SLC2A13: variants seen among roughly 807,000 people sequenced by gnomAD.
The protein encoded by SLC2A13 is solute carrier family 2 member 13, also known as proton myo-inositol cotransporter.
In SLC2A13, 32 loss-of-function variants were observed where a neutral mutation model predicts 64.4. The ratio of observed to expected loss-of-function variants is 0.50; its 90% CI spans 0.37 to 0.67. SLC2A13 has a LOEUF of 0.67. Among genes scored for constraint, SLC2A13 ranks in the 30% least tolerant of loss-of-function variants. SLC2A13 has a pLI of 0.00. For missense variants in SLC2A13, 743 were observed against 829.2 expected (o/e 0.90, Z 1.28); for synonymous variants, 338 against 327.1 (o/e 1.03, Z -0.36).
intron 1 of SLC2A13, among the ~76,000 whole-genome samples, chr12:40,075,869 T>C (rs1438934951): frequency 6.6e-6 from 1 of 152,174 alleles, no homozygotes; most frequent in Non-Finnish European, 1.5e-5. Context: ...ACTTTTTTCA[T>C]CTCTCTCTGC....
chr12:39,794,038 G>T (rs1941489701), intron 7 of SLC2A13, among the ~76,000 whole-genome samples: 1 of 139,740 alleles, frequency 7.2e-6, no homozygotes, highest in Admixed American at 7.7e-5. Context: ...CTCTGATACT[G>T]AGAAAGTAAC....
chr12:39,755,292 T>C lies in SLC2A13; in HGVS notation c.*4734A>G, dbSNP rs4768177. 1 of 152,100 alleles carries C rather than the reference T, an allele frequency of 6.6e-6. No homozygotes were observed. Among genetic ancestry groups the C allele is most frequent in the South Asian group, 2.1e-4 (1 of 4,830 alleles). 9.4% of individuals were successfully genotyped at this position (152,100 alleles called of 1,614,324 possible). A position where few individuals can be genotyped will look rare whatever the true frequency, so the allele number is the denominator to read the frequency against. On this transcript the variant is annotated 3_prime_UTR_variant, in exon 10 of 10. Coordinates refer to ENST00000280871, the MANE Select transcript of SLC2A13 (RefSeq NM_052885.4). ...TATCGCTTGTGGGAATAAATACTTA[T>C]ATTGAATTTGCCAAGACATCTGAAG...
intron 1 of SLC2A13, among the ~76,000 whole-genome samples, chr12:40,078,358 G>C (rs551444414): frequency 6.6e-6 from 1 of 152,016 alleles, no homozygotes; most frequent in South Asian, 2.1e-4. Context: ...TTTTTTACAC[G>C]AAGGAATGTT....
intron 4 of SLC2A13, among the ~76,000 whole-genome samples, chr12:39,905,847 T>C (rs1592271460): frequency 6.6e-6 from 1 of 151,480 alleles, no homozygotes; most frequent in African/African-American, 2.4e-5. Context: ...TACACTTCTA[T>C]GGATAACTTA....
chr12:39,759,948 G>T lies in SLC2A13; in HGVS notation c.*78C>A. The T allele has an allele frequency of 9.7e-7, 1 of 1,034,114 alleles. No individual in the cohort carries two copies. Among genetic ancestry groups the T allele is most frequent in the Non-Finnish European group, 1.5e-6 (1 of 681,254 alleles). The allele number at this position is 1,034,114 out of a possible 1,614,324, so 64.1% of individuals were successfully genotyped here. ...GGCTGTGGAAAGAACCAGATTAGAA[G>T]CAGGGCAGTGAAGTCACCAATTGCT... On this transcript the variant is annotated 3_prime_UTR_variant, in exon 10 of 10. Transcript: ENST00000280871.
At chr12:39,867,125 C>T (rs184589087) in intron 5 of SLC2A13, among the ~76,000 whole-genome samples, 220 of 152,270 alleles carry the variant, frequency 1.4e-3, no homozygotes, top group African/African-American at 5.1e-3. Context: ...CAAAACAAAA[C>T]GAACCATGAG....
intron 2 of SLC2A13, among the ~76,000 whole-genome samples, chr12:40,041,430 T>C (rs1948088042): frequency 2.0e-5 from 3 of 152,188 alleles, no homozygotes. Context: ...CCTGGAATTC[T>C]TTTATTCAAA....
chr12:39,954,652 G>A (rs569395036), intron 3 of SLC2A13, among the ~76,000 whole-genome samples: 1 of 152,220 alleles, frequency 6.6e-6, no homozygotes, highest in South Asian at 2.1e-4. Context: ...ATAAAAGCAA[G>A]ACTCAACTGC....
chr12:40,082,203 A>G (rs1430292441), intron 1 of SLC2A13, among the ~76,000 whole-genome samples: 1 of 152,202 alleles, frequency 6.6e-6, no homozygotes, highest in South Asian at 2.1e-4. Flanking sequence ...GCATGTACAC[A>G]TAGTGTTCAC....
chr12:40,080,778 T>C (rs1938367313), intron 1 of SLC2A13, among the ~76,000 whole-genome samples: 2 of 152,248 alleles, frequency 1.3e-5, no homozygotes, highest in Admixed American at 1.3e-4. Context: ...GACTTGATTA[T>C]ATAATTGCTC....
intron 1 of SLC2A13, among the ~76,000 whole-genome samples, chr12:40,058,864 T>C (rs928981952): frequency 6.6e-6 from 1 of 152,092 alleles, no homozygotes; most frequent in Non-Finnish European, 1.5e-5. Context: ...CATGAACGAG[T>C]CAGATGACTG....
At position 39,871,965 on chromosome 12, in the gene SLC2A13, C is replaced by T; in HGVS notation, c.1035-4G>A. 1 of 1,571,954 alleles carries T rather than the reference C, an allele frequency of 6.4e-7. No homozygotes were observed. Among genetic ancestry groups the T allele is most frequent in the Non-Finnish European group, 8.6e-7 (1 of 1,160,130 alleles). ...CAGAATGGTTGCACTGTAGTACCTG[C>T]AAAGCAATGAATAAAACAATTGCTA... is the stretch of plus-strand genomic sequence containing the variant. On this transcript the variant is annotated splice_region_variant and splice_polypyrimidine_tract_variant and intron_variant, in intron 4 of 9. Transcript: ENST00000280871.
At chr12:40,082,719 G>A (rs991001229) in intron 1 of SLC2A13, among the ~76,000 whole-genome samples, 2 of 152,190 alleles carry the variant, frequency 1.3e-5, no homozygotes, top group Non-Finnish European at 2.9e-5. Flanking sequence ...CAGACCCCTG[G>A]GGATCCATGC....
At chr12:39,800,826 G>C (rs1230951154) in intron 7 of SLC2A13, among the ~76,000 whole-genome samples, 5 of 2,888 alleles carry the variant, frequency 1.7e-3, no homozygotes, top group Admixed American at 7.2e-3. Context: ...ATTCACAATA[G>C]CAAAGACTTG....
At chr12:39,821,677 G>C (rs1942514605) in intron 7 of SLC2A13, among the ~76,000 whole-genome samples, 1 of 152,176 alleles carries the variant, frequency 6.6e-6, no homozygotes, top group Non-Finnish European at 1.5e-5. Flanking sequence ...AGAGGGAAAA[G>C]AGGACGTGGC....
In SLC2A13 at chr12:39,852,276, C is replaced by A. The variant is rs1245479087; in HGVS notation, c.1319+12486G>T. Among the ~76,000 whole-genome samples, 3 of 152,310 alleles carry A rather than the reference C, an allele frequency of 2.0e-5. 1 individual carries two copies. The South Asian group carries it at 6.2e-4, about 32-fold the overall frequency. On this transcript the variant is annotated intron_variant, in intron 6 of 9. Transcript: ENST00000280871. ...GTCTCTGGTATTGTTCTGAGAAATG[C>A]TGGTCAGATTTCCCTTTATGGGCCT... is the stretch of plus-strand genomic sequence containing the variant.
chr12:39,802,034 A>T (rs555729652), intron 7 of SLC2A13, among the ~76,000 whole-genome samples: 1 of 152,340 alleles, frequency 6.6e-6, no homozygotes, highest in Admixed American at 6.5e-5. Context: ...GACAATTGTC[A>T]TGATGAAAAA....
chr12:40,097,176 T>C (rs1353225487), intron 1 of SLC2A13, among the ~76,000 whole-genome samples: 1 of 152,200 alleles, frequency 6.6e-6, no homozygotes, highest in African/African-American at 2.4e-5. Flanking sequence ...AATGCCTCTG[T>C]TAAGCTGCTA....
At chr12:40,023,834 G>A (rs1260961108) in intron 3 of SLC2A13, among the ~76,000 whole-genome samples, 3 of 152,144 alleles carry the variant, frequency 2.0e-5, no homozygotes, top group Non-Finnish European at 2.9e-5. Context: ...ACAGAGTGAT[G>A]GGTTCCATGA....
Sources: allele counts gnomAD v4.1 joint callset (sites outside exome capture counted in the v4.1 genomes callset), GRCh38; gene constraint gnomAD v4.1.1; transcripts MANE v1.5; gene names NCBI Gene and HGNC (gene_info 2026-07-23, HGNC 2026-07-21).